OSBPL10: variants seen among roughly 807,000 people sequenced by gnomAD.
The protein encoded by OSBPL10 is oxysterol binding protein like 10.
In OSBPL10, 49 loss-of-function variants were observed where a neutral mutation model predicts 81.7. The ratio of observed to expected loss-of-function variants is 0.60; its 90% confidence interval spans 0.48 to 0.76. The LOEUF is 0.76. Among genes scored for constraint, OSBPL10 ranks in the 30% least tolerant of loss-of-function variants. The pLI is 0.00. For missense variants in OSBPL10, 923 were observed against 987.8 expected (o/e 0.93, Z 0.88); for synonymous variants, 419 against 383.6 (o/e 1.09, Z -1.08).
rs746823677 is a variant in OSBPL10, at chr3:31,802,549, CAAAA to C, written c.729+27487_729+27490del. Among the ~76,000 whole-genome samples the C allele has an allele frequency of 3.7e-3, 351 of 94,990 alleles. 2 individuals are homozygous for C. Among genetic ancestry groups the C allele is most frequent in the African/African-American group, 0.014 (330 of 24,176 alleles). The allele number at this position is 94,990 out of a possible 152,430, so 62.3% of individuals were successfully genotyped here. A position where few individuals can be genotyped will look rare whatever the true frequency, so the allele number is the denominator to read the frequency against. Reference sequence around the variant, plus strand: ...CGCCACTGCACTCTAGCCTGGGTATCAAAAAAAAAAAAAAAAAAAAAAGAGAATT... The same window carrying C: ...CGCCACTGCACTCTAGCCTGGGTATCAAAAAAAAAAAAAAAAAAGAGAATT... On this transcript the variant is annotated intron_variant, in intron 4 of 11. Coordinates refer to ENST00000396556, the MANE Select transcript of OSBPL10 (RefSeq NM_017784.5).
chr3:32,001,532 T>C (rs1283786916), intron 2 of OSBPL10, among the ~76,000 whole-genome samples: 1 of 152,196 alleles, frequency 6.6e-6, no homozygotes, highest in Non-Finnish European at 1.5e-5. Flanking sequence ...AACTCATTAA[T>C]TAATAGGGAA....
chr3:31,850,480 A>T (rs1700737313), intron 3 of OSBPL10, among the ~76,000 whole-genome samples: 1 of 152,196 alleles, frequency 6.6e-6, no homozygotes, highest in South Asian at 2.1e-4. Flanking sequence ...ACATGCCCAG[A>T]ATGGTTACTT....
At chr3:31,790,867 G>A (rs1318773848) in intron 4 of OSBPL10, among the ~76,000 whole-genome samples, 2 of 152,232 alleles carry the variant, frequency 1.3e-5, no homozygotes, top group Non-Finnish European at 2.9e-5. Context: ...TACTGCATAT[G>A]TGTCGGAAAG....
At chr3:31,830,810 C>A (rs1700221968) in intron 3 of OSBPL10, among the ~76,000 whole-genome samples, 1 of 152,230 alleles carries the variant, frequency 6.6e-6, no homozygotes, top group Admixed American at 6.5e-5. Context: ...ATAATGTCAT[C>A]TATATGCACG....
At chr3:32,030,327 A>G in intron 2 of OSBPL10, 1 of 483,438 alleles carries the variant, frequency 2.1e-6, no homozygotes, top group South Asian at 1.8e-5. Flanking sequence ...AAATCAAGGG[A>G]ATGGGCGCCG....
intron 2 of OSBPL10, among the ~76,000 whole-genome samples, chr3:32,043,008 G>A (rs188890195): frequency 6.6e-6 from 1 of 152,226 alleles, no homozygotes; most frequent in East Asian, 1.9e-4. Context: ...AACAGGGTTC[G>A]AGAGCAGAGA....
At chr3:31,967,634 GGAAAGGATAAAAACAGT>G (rs1442602664) in intron 1 of OSBPL10, among the ~76,000 whole-genome samples, 99 of 152,208 alleles carry the variant, frequency 6.5e-4, no homozygotes, top group African/African-American at 2.3e-3. Flanking sequence ...AACTTAATAG[GGAAAGGATAAAAACAGT>G]GAAAGGATAA....
At position 31,678,087 on chromosome 3, in the gene OSBPL10, C is replaced by CAAAAAAAAA. The variant is rs1174037204; in HGVS notation, c.1726+5538_1726+5546dup. Among the ~76,000 whole-genome samples the CAAAAAAAAA allele has an allele frequency of 3.8e-4, 29 of 76,624 alleles. 1 individual carries two copies. The highest frequency in any genetic ancestry group is 8.2e-4 in the African/African-American group (15 of 18,272). 50.3% of individuals were successfully genotyped at this position (76,624 alleles called of 152,430 possible). A position where few individuals can be genotyped will look rare whatever the true frequency, so the allele number is the denominator to read the frequency against. On this transcript the variant is annotated intron_variant, in intron 8 of 11. Coordinates refer to ENST00000396556, the MANE Select transcript of OSBPL10 (RefSeq NM_017784.5). ...TGGGCGACAGAGCGAGACTCCGTCT[C>CAAAAAAAAA]AAAAAAAAAAAAAAAAAAAAAGACA... is the stretch of plus-strand genomic sequence containing the variant.
At chr3:31,700,013 A>C (rs543981723) in intron 7 of OSBPL10, among the ~76,000 whole-genome samples, 1 of 152,216 alleles carries the variant, frequency 6.6e-6, no homozygotes, top group African/African-American at 2.4e-5. Context: ...AATTTCATCA[A>C]CCTTTTTATA....
At chr3:31,708,688 C>T (rs769062947) in intron 6 of OSBPL10, 16 of 976,490 alleles carry the variant, frequency 1.6e-5, no homozygotes, top group Non-Finnish European at 1.9e-5. Flanking sequence ...CATATGAATG[C>T]CAAATGGTTG....
At chr3:31,872,622 C>CT (rs71097452) in intron 3 of OSBPL10, among the ~76,000 whole-genome samples, 33,796 of 127,806 alleles carry the variant, frequency 0.26, 7,522 homozygotes, top group African/African-American at 0.61. Context: ...AATTCAAAAG[C>CT]TTTTTTTTTT....
At chr3:31,892,053 T>C (rs1695907667) in intron 1 of OSBPL10, among the ~76,000 whole-genome samples, 2 of 151,952 alleles carry the variant, frequency 1.3e-5, no homozygotes, top group Non-Finnish European at 2.9e-5. Flanking sequence ...TGGCTGTGAT[T>C]GTGTGTTGTA....
intron 4 of OSBPL10, among the ~76,000 whole-genome samples, chr3:31,819,520 A>G (rs757351941): frequency 6.6e-6 from 1 of 152,158 alleles, no homozygotes; most frequent in Non-Finnish European, 1.5e-5. Flanking sequence ...TCGAGTCCTC[A>G]TTGGGGTACT....
rs77990260 is a variant in OSBPL10 at position 31,866,524 on chromosome 3, C to G, written c.537+9909G>C. 1.6e-3 allele frequency among the ~76,000 whole-genome samples: 251 copies of G among 152,302 alleles called. 2 individuals carry two copies. The East Asian group carries it at 0.022, about 13-fold the overall frequency. ...TGTCAGCCAGGGTGCCAAGCCAGCC[C>G]ATTTCTCTACGGCCTCCTTTCTCAC... On this transcript the variant is annotated intron_variant, in intron 3 of 11. Transcript: ENST00000396556.
chr3:31,747,170 A>G (rs1697552070), intron 5 of OSBPL10, among the ~76,000 whole-genome samples: 1 of 152,026 alleles, frequency 6.6e-6, no homozygotes, highest in Non-Finnish European at 1.5e-5. Context: ...CCCCGTCTCT[A>G]CTGAAAACAT....
rs142826584 is a variant in OSBPL10 at position 31,726,831 on chromosome 3, TTTATTATTA to T, written c.1095+6417_1095+6425del. On this transcript the variant is annotated intron_variant, in intron 6 of 11. Coordinates refer to ENST00000396556, the MANE Select transcript of OSBPL10 (RefSeq NM_017784.5). ...CTCCCAGAATTCTTTTGTGCAAAAA[TTTATTATTA>T]TTATTATTATTATTATTTGCTGAGA... Among the ~76,000 whole-genome samples the T allele has an allele frequency of 7.4e-5, 11 of 149,614 alleles. No individual in the cohort carries two copies. In the South Asian group the frequency reaches 2.1e-3, roughly 29 times the overall value.
At chr3:31,710,413 C>T (rs1030325854) in intron 6 of OSBPL10, among the ~76,000 whole-genome samples, 2 of 152,128 alleles carry the variant, frequency 1.3e-5, no homozygotes, top group Non-Finnish European at 2.9e-5. Context: ...CTCCCCTTCT[C>T]CCCCCACAGC....
At chr3:31,942,176 G>A (rs1697551486) in intron 1 of OSBPL10, among the ~76,000 whole-genome samples, 1 of 152,154 alleles carries the variant, frequency 6.6e-6, no homozygotes. Flanking sequence ...TCGGGAGGCT[G>A]AGGTAGAACA....
At chr3:31,919,439 G>A (rs1163839651) in intron 1 of OSBPL10, 1 of 152,220 alleles carries the variant, frequency 6.6e-6, no homozygotes, top group Non-Finnish European at 1.5e-5. Flanking sequence ...CCAGGTCTTA[G>A]GAAGGGCTGG....
Sources: gnomAD v4.1 joint callset for allele counts (sites outside exome capture counted in the v4.1 genomes callset) on GRCh38, gnomAD v4.1.1 for gene constraint, MANE v1.5 for transcripts, NCBI Gene and HGNC (gene_info 2026-07-23, HGNC 2026-07-21) for gene names.